Variants in WNK1 observed in about 807,000 individuals in gnomAD.
WNK1 encodes serine/threonine-protein kinase WNK1.
WNK1 carries 38 observed loss-of-function variants against 222.8 expected under a neutral mutation model. That is an observed-to-expected ratio of 0.17 (90% CI 0.13 to 0.22). WNK1 has a LOEUF of 0.22. Among genes scored for constraint, WNK1 ranks in the 10% least tolerant of loss-of-function variants. WNK1 has a pLI of 1.00. For synonymous variants in WNK1, 1,090 were observed against 1,092.9 expected (o/e 1.00, Z 0.05); for missense variants, 2,348 against 2,918.4 (o/e 0.80, Z 4.50).
chr12:872,454 G>C (rs1163213373), intron 9 of WNK1, among the ~76,000 whole-genome samples: 1 of 152,178 alleles, frequency 6.6e-6, no homozygotes, highest in Non-Finnish European at 1.5e-5. Flanking sequence ...TTTAACTTTT[G>C]TTTTGGGGGG....
chr12:851,334 A>G (rs1950406657), intron 4 of WNK1: 1 of 992,454 alleles, frequency 1.0e-6, no homozygotes, highest in Non-Finnish European at 1.2e-6. Context: ...CATCCAAGAA[A>G]GGTTTTGATA....
intron 9 of WNK1, among the ~76,000 whole-genome samples, chr12:877,783 AT>A (rs1343367121): frequency 6.6e-6 from 1 of 152,228 alleles, no homozygotes; most frequent in African/African-American, 2.4e-5. Flanking sequence ...AGTTGATAAA[AT>A]AGGGTAAGGA....
intron 1 of WNK1, among the ~76,000 whole-genome samples, chr12:772,006 T>G (rs765214345): frequency 6.6e-6 from 1 of 152,174 alleles, no homozygotes; most frequent in Non-Finnish European, 1.5e-5. Context: ...TAGTCATTGT[T>G]TATGGCTACA....
intron 11 of WNK1, 120 bp downstream of exon 11, chr12:880,151 G>C: frequency 1.0e-6 from 1 of 967,300 alleles, no homozygotes; most frequent in South Asian, 1.4e-5. Context: ...AACTAGAGAA[G>C]CAAAATAGTA....
At chr12:856,578 G>T (rs1180825779) in intron 4 of WNK1, among the ~76,000 whole-genome samples, 1 of 152,128 alleles carries the variant, frequency 6.6e-6, no homozygotes, top group Non-Finnish European at 1.5e-5. Flanking sequence ...GAGATTAATT[G>T]CAGAGCTTGT....
chr12:865,038 TA>T, intron 8 of WNK1: 1 of 1,433,918 alleles, frequency 7.0e-7, no homozygotes, highest in African/African-American at 1.4e-5. Context: ...TATGCCCTGT[TA>T]TCATTGTACT....
intron 8 of WNK1, 106 bp downstream of exon 8, chr12:862,376 G>A: frequency 8.1e-7 from 1 of 1,238,554 alleles, no homozygotes; most frequent in Non-Finnish European, 1.2e-6. Context: ...GTCTGAAGTA[G>A]AAAATATAAA....
intron 1 of WNK1, among the ~76,000 whole-genome samples, chr12:807,895 A>G (rs1188880725): frequency 6.6e-6 from 1 of 151,192 alleles, no homozygotes; most frequent in Non-Finnish European, 1.5e-5. Context: ...AATTTTTTGT[A>G]TTTTTAGTAG....
At chr12:828,258 A>G (rs188373296) in intron 3 of WNK1, among the ~76,000 whole-genome samples, 94 of 152,150 alleles carry the variant, frequency 6.2e-4, no homozygotes, top group African/African-American at 1.9e-3. Context: ...GTGAGCTGAG[A>G]TTGCGCCACT....
At chr12:777,307 A>G (rs1029920421) in intron 1 of WNK1, among the ~76,000 whole-genome samples, 1 of 151,422 alleles carries the variant, frequency 6.6e-6, no homozygotes, top group Non-Finnish European at 1.5e-5. Context: ...CTACAGGTGC[A>G]CGCCACCACG....
At chr12:865,374 T>C in intron 8 of WNK1, 1 of 1,528,510 alleles carries the variant, frequency 6.5e-7, no homozygotes, top group African/African-American at 1.4e-5. Context: ...TGTATGTAAC[T>C]GTAAACTTCT....
rs1948443069 is a variant in WNK1, at chr12:827,499, A to G, written c.1153+237A>G. On this transcript the variant is annotated intron_variant, in intron 3 of 27. Coordinates refer to ENST00000315939, the MANE Select transcript of WNK1 (RefSeq NM_018979.4). This position sits in a 1 kb window ranked among gnomAD's most constrained non-coding sequence, Gnocchi z 4.6. ...AGAAATAAAGTGAACTTTGTTGATA[A>G]AACCTAATGTAATAGCCTTTTTTGT... is the stretch of plus-strand genomic sequence containing the variant. 2 of 575,968 alleles carry G rather than the reference A, an allele frequency of 3.5e-6. No individual in the cohort carries two copies. The highest frequency in any genetic ancestry group is 3.1e-5 in the Admixed American group (1 of 32,514). The allele number at this position is 575,968 out of a possible 1,614,324, so 35.7% of individuals were successfully genotyped here. A position where few individuals can be genotyped will look rare whatever the true frequency, so the allele number is the denominator to read the frequency against.
chr12:877,251 G>C (rs984367169), intron 9 of WNK1, among the ~76,000 whole-genome samples: 5 of 151,982 alleles, frequency 3.3e-5, no homozygotes, highest in Non-Finnish European at 7.4e-5. Context: ...TTTTAGTAGC[G>C]ATGGGGTTTC....
rs1956049728 is a variant in WNK1, at chr12:911,096, G to A, written c.*2304G>A. 1.0e-5 allele frequency: 4 copies of A among 392,336 alleles called. No individual in the cohort carries two copies. Among genetic ancestry groups the A allele is most frequent in the Admixed American group, 8.8e-5 (2 of 22,612 alleles). 24.3% of individuals were successfully genotyped at this position (392,336 alleles called of 1,614,324 possible). A position where few individuals can be genotyped will look rare whatever the true frequency, so the allele number is the denominator to read the frequency against. On this transcript the variant is annotated 3_prime_UTR_variant, in exon 28 of 28. Coordinates refer to ENST00000315939, the MANE Select transcript of WNK1 (RefSeq NM_018979.4). ...ATACACAAAAAAAGTCAGAACTGGT[G>A]TTATTTACTGTTGATTTCATCCTCC...
intron 4 of WNK1, among the ~76,000 whole-genome samples, chr12:851,077 A>G (rs915932843): frequency 2.0e-5 from 3 of 152,196 alleles, no homozygotes; most frequent in African/African-American, 7.2e-5. Flanking sequence ...AGGAACTATT[A>G]TCTCCACTTT....
intron 25 of WNK1, 149 bp from the exon 26 acceptor site, chr12:900,327 T>C (rs1163070760): frequency 5.0e-6 from 4 of 800,704 alleles, no homozygotes; most frequent in Non-Finnish European, 8.5e-6. Flanking sequence ...CTTCTCCCGT[T>C]AGTGAGGACT....
chr12:774,474 C>T (rs984272625), intron 1 of WNK1, among the ~76,000 whole-genome samples: 2 of 152,260 alleles, frequency 1.3e-5, no homozygotes, highest in Non-Finnish European at 1.5e-5. Context: ...AGTCTTGAGG[C>T]TAGAGGCCCA....
chr12:827,191 C>T lies in WNK1; in HGVS notation c.1082C>T (p.Thr361Ile). ...GACAACATCTTTATCACCGGCCCTA[C>T]TGGCTCAGTCAAGATTGGAGACCTC... ...KCDNIFITGP[T>I]GSVKIGDLGL... The change falls in exon 3 of 28, where the codon ACT becomes ATT. Residue 361 changes from threonine to isoleucine, a missense_variant. Physicochemically the swap from Thr to Ile is moderately conservative, Grantham distance 89 (BLOSUM62 -1). Around this residue, in one of 13 missense-constraint regions of WNK1, gnomAD observed 57 missense variants for 219.0 expected, o/e 0.26. Coordinates refer to ENST00000315939, the MANE Select transcript of WNK1 (RefSeq NM_018979.4). This position sits in a 1 kb window ranked among gnomAD's most constrained non-coding sequence, Gnocchi z 4.6. 6.2e-7 allele frequency: 1 copy of T among 1,614,218 alleles called. No individual in the cohort carries two copies. Among genetic ancestry groups the T allele is most frequent in the Non-Finnish European group, 8.5e-7 (1 of 1,180,026 alleles).
chr12:754,048 C>T lies in WNK1; in HGVS notation c.483C>T (p.Ser161=). Residue 161 remains serine, a synonymous_variant, in exon 1 of 28, where the codon AGC becomes AGT. Coordinates refer to ENST00000315939, the MANE Select transcript of WNK1 (RefSeq NM_018979.4). The part of the protein sequence containing the change: ...PAPSTVPSST[S]KDRPVSQPSL... ...CCTCGACTGTCCCCAGCAGTACCAG[C>T]AAAGACCGCCCAGTGTCCCAGCCTA... The T allele has an allele frequency of 6.3e-7, 1 of 1,597,794 alleles. No individual in the cohort carries two copies. The highest frequency in any genetic ancestry group is 1.3e-5 in the African/African-American group (1 of 74,820).
Sources: allele counts gnomAD v4.1 joint callset (sites outside exome capture counted in the v4.1 genomes callset), GRCh38; gene constraint gnomAD v4.1.1; regional missense constraint gnomAD v4.1.1; non-coding constraint Gnocchi (gnomAD v3.1); transcripts MANE v1.5; gene names NCBI Gene and HGNC (gene_info 2026-07-23, HGNC 2026-07-21).